LRMDA: variants seen among roughly 807,000 people sequenced by gnomAD.
The protein encoded by LRMDA is leucine rich melanocyte differentiation associated, also known as leucine-rich melanocyte differentiation-associated protein.
LRMDA carries 18 observed loss-of-function variants against 29.8 expected under a neutral mutation model. The ratio of observed to expected loss-of-function variants is 0.60; its 90% CI spans 0.42 to 0.90. The LOEUF (loss-of-function observed/expected upper bound fraction) is 0.90, where lower values mean the gene tolerates loss of function less well. Ranked by LOEUF, LRMDA falls within the 40% of genes least tolerant of loss-of-function variation. The pLI is 0.00. For missense variants in LRMDA, 273 were observed against 273.9 expected (o/e 1.00, Z 0.02); for synonymous variants, 125 against 109.4 (o/e 1.14, Z -0.89).
intron 2 of LRMDA, among the ~76,000 whole-genome samples, chr10:75,759,595 G>T (rs1011373832): frequency 6.6e-6 from 1 of 152,160 alleles, no homozygotes; most frequent in Non-Finnish European, 1.5e-5. Context: ...CCAAGGAGAG[G>T]AGGAGTGCTA....
chr10:75,772,196 A>C (rs1310533127), intron 2 of LRMDA, among the ~76,000 whole-genome samples: 2 of 152,218 alleles, frequency 1.3e-5, no homozygotes, highest in Non-Finnish European at 2.9e-5. Context: ...TATATCTTTT[A>C]CTTCATGTTT....
At chr10:75,704,580 G>A (rs1842345330) in intron 2 of LRMDA, among the ~76,000 whole-genome samples, 1 of 152,318 alleles carries the variant, frequency 6.6e-6, no homozygotes, top group East Asian at 1.9e-4. Flanking sequence ...AGTTTAGGAA[G>A]CTAGTTCTTT....
At chr10:76,072,682 G>A (rs1290073866) in intron 5 of LRMDA, among the ~76,000 whole-genome samples, 1 of 152,184 alleles carries the variant, frequency 6.6e-6, no homozygotes, top group Non-Finnish European at 1.5e-5. Flanking sequence ...GACATATTTG[G>A]TTCAGGGGGA....
intron 2 of LRMDA, among the ~76,000 whole-genome samples, chr10:75,525,488 GA>G (rs1321431272): frequency 6.6e-6 from 1 of 152,080 alleles, no homozygotes; most frequent in Non-Finnish European, 1.5e-5. Context: ...GTAGAGTTCT[GA>G]ATGGGTTGGC....
chr10:76,548,481 T>C (rs1044248386), intron 6 of LRMDA, among the ~76,000 whole-genome samples: 1 of 150,360 alleles, frequency 6.7e-6, no homozygotes, highest in Non-Finnish European at 1.5e-5. Context: ...AACCTGAGGC[T>C]AAAAAACAAA....
rs1484599175 is a variant in LRMDA, at chr10:75,551,739, T to TAAAAA, written c.131+113249_131+113250insAAAAA. On this transcript the variant is annotated intron_variant, in intron 2 of 6. Coordinates refer to ENST00000611255, the MANE Select transcript of LRMDA (RefSeq NM_001305581.2). ...GAGTCAGCTATTTTTTTTGAGAGGC[T>TAAAAA]AAAATTAAGAAAAAATTTGCTGGGC... Among the ~76,000 whole-genome samples, 17 of 152,180 alleles carry TAAAAA rather than the reference T, an allele frequency of 1.1e-4. 1 individual carries two copies. Among genetic ancestry groups the TAAAAA allele is most frequent in the African/African-American group, 4.1e-4 (17 of 41,526 alleles).
chr10:75,642,560 G>A (rs1380041177), intron 2 of LRMDA: 2 of 152,204 alleles, frequency 1.3e-5, no homozygotes, highest in East Asian at 3.9e-4. Flanking sequence ...GGTCACTGTA[G>A]GGTTAGCTCT....
At chr10:75,982,918 G>A (rs935535052) in intron 2 of LRMDA, among the ~76,000 whole-genome samples, 5 of 152,140 alleles carry the variant, frequency 3.3e-5, no homozygotes, top group Non-Finnish European at 7.3e-5. Flanking sequence ...CAGCAGCCTC[G>A]CAAGGAGCAC....
chr10:75,964,870 C>T (rs1300435264), intron 2 of LRMDA, among the ~76,000 whole-genome samples: 3 of 152,170 alleles, frequency 2.0e-5, no homozygotes, highest in African/African-American at 7.2e-5. Flanking sequence ...CAGGTTCAAA[C>T]AATTCTACCT....
chr10:75,773,818 G>A (rs999222896), intron 2 of LRMDA, among the ~76,000 whole-genome samples: 7 of 152,248 alleles, frequency 4.6e-5, no homozygotes, highest in Admixed American at 1.3e-4. Flanking sequence ...CCTGGCCCAC[G>A]TTGAGTTCTT....
intron 2 of LRMDA, among the ~76,000 whole-genome samples, chr10:75,685,018 T>C (rs1842065253): frequency 2.0e-5 from 3 of 152,274 alleles, no homozygotes; most frequent in African/African-American, 7.2e-5. Flanking sequence ...CAATGATTTC[T>C]TTTTCCCTTT....
chr10:75,965,837 G>T (rs185994060), intron 2 of LRMDA, among the ~76,000 whole-genome samples: 1 of 152,260 alleles, frequency 6.6e-6, no homozygotes, highest in East Asian at 1.9e-4. Flanking sequence ...CCTGAGCTAT[G>T]GTGCCCAATC....
chr10:75,485,702 T>A (rs1844905029), intron 2 of LRMDA, among the ~76,000 whole-genome samples: 6 of 152,112 alleles, frequency 3.9e-5, no homozygotes, highest in Admixed American at 3.9e-4. Context: ...CTGAGCCTCC[T>A]GAGTAGCTGG....
chr10:76,240,882 A>T (rs1304344057), intron 5 of LRMDA, among the ~76,000 whole-genome samples: 2 of 147,974 alleles, frequency 1.4e-5, no homozygotes, highest in African/African-American at 5.0e-5. Flanking sequence ...ACGCACACAC[A>T]CACATACACA....
intron 6 of LRMDA, among the ~76,000 whole-genome samples, chr10:76,360,481 T>A (rs779204942): frequency 1.3e-5 from 2 of 152,110 alleles, no homozygotes; most frequent in Non-Finnish European, 2.9e-5. Flanking sequence ...TGGCTTCCAA[T>A]CTCTTCAGAC....
chr10:75,447,541 G>C (rs1844409516), intron 2 of LRMDA, among the ~76,000 whole-genome samples: 1 of 151,986 alleles, frequency 6.6e-6, no homozygotes, highest in African/African-American at 2.4e-5. Context: ...AAAGAAAAAA[G>C]TTTCACTTAG....
chr10:76,259,728 C>CATAT (rs199818288), intron 5 of LRMDA, among the ~76,000 whole-genome samples: 8 of 151,458 alleles, frequency 5.3e-5, no homozygotes, highest in African/African-American at 1.7e-4. Context: ...ATATTTGTTA[C>CATAT]ATATATATAT....
intron 2 of LRMDA, among the ~76,000 whole-genome samples, chr10:75,625,510 G>T (rs935173457): frequency 5.3e-5 from 8 of 152,196 alleles, no homozygotes; most frequent in Non-Finnish European, 8.8e-5. Context: ...GTTGGAGGGA[G>T]TCAGGGTGGT....
chr10:76,252,207 G>A (rs1319313887), intron 5 of LRMDA, among the ~76,000 whole-genome samples: 2 of 152,170 alleles, frequency 1.3e-5, no homozygotes, highest in African/African-American at 2.4e-5. Flanking sequence ...GAGAAGGAAC[G>A]TTCACATGGA....
Sources: gnomAD v4.1 joint callset for allele counts (sites outside exome capture counted in the v4.1 genomes callset) on GRCh38, gnomAD v4.1.1 for gene constraint, MANE v1.5 for transcripts, NCBI Gene and HGNC (gene_info 2026-07-23, HGNC 2026-07-21) for gene names.